Variants in ATG4A observed in about 807,000 individuals in gnomAD.
ATG4A encodes the protein cysteine protease ATG4A.
In ATG4A, 22 loss-of-function variants were observed where a neutral mutation model predicts 38.4. That is an observed-to-expected ratio of 0.57 (90% CI 0.41 to 0.82). The LOEUF is 0.82. ATG4A is among the 40% of genes least tolerant of loss of function. The pLI is 0.00. For synonymous variants in ATG4A, 86 were observed against 100.7 expected (o/e 0.85, Z 0.88); for missense variants, 220 against 290.0 (o/e 0.76, Z 1.75).
upstream of ATG4A, chrX:108,091,710 TGC>T (rs1481563282): frequency 9.6e-7 from 1 of 1,040,130 alleles, no homozygotes; most frequent in East Asian, 3.0e-5. Flanking sequence ...GAGGCGCCTT[TGC>T]TGCCCTCACA....
At chrX:108,120,595 A>G (rs886730097) in intron 1 of ATG4A, among the ~76,000 whole-genome samples, 1 of 112,690 alleles carries the variant, frequency 8.9e-6, no homozygotes, top group African/African-American at 3.2e-5. Flanking sequence ...TTTGCATTAC[A>G]TTTGTCAGTG....
chrX:108,098,109 C>G (rs904900943), intron 1 of ATG4A, among the ~76,000 whole-genome samples: 2 of 111,909 alleles, frequency 1.8e-5, no homozygotes, highest in Non-Finnish European at 3.8e-5. Context: ...TATCCCTCCC[C>G]CAGGCCTTCG....
At chrX:108,102,769 T>C (rs2032051860) in intron 1 of ATG4A, among the ~76,000 whole-genome samples, 1 of 109,158 alleles carries the variant, frequency 9.2e-6, no homozygotes, top group Admixed American at 9.7e-5. Flanking sequence ...GGGTATAAAG[T>C]TTTACTAGCA....
chrX:108,090,550 G>A (rs552453354), upstream of ATG4A, among the ~76,000 whole-genome samples: 40 of 112,253 alleles, frequency 3.6e-4, no homozygotes, highest in South Asian at 0.014. Context: ...CCAGAAAAGA[G>A]AAAACAGTCT....
intron 1 of ATG4A, among the ~76,000 whole-genome samples, chrX:108,116,020 G>A: frequency 8.9e-6 from 1 of 111,945 alleles, no homozygotes; most frequent in Non-Finnish European, 1.9e-5. Flanking sequence ...GCTACATACG[G>A]TGCACATCAG....
intron 9 of ATG4A, among the ~76,000 whole-genome samples, chrX:108,144,481 C>G (rs1399996545): frequency 8.9e-6 from 1 of 111,924 alleles, no homozygotes; most frequent in Non-Finnish European, 1.9e-5. Context: ...GGGCTGTAGC[C>G]AGGTCAGCCT....
chrX:108,091,733 C>T, upstream of ATG4A: 2 of 1,129,832 alleles, frequency 1.8e-6, no homozygotes, highest in Non-Finnish European at 2.4e-6. Context: ...GACTTGGCCC[C>T]TAGCAGTGCA....
chrX:108,117,896 A>G (rs2032551101), intron 1 of ATG4A, among the ~76,000 whole-genome samples: 1 of 112,420 alleles, frequency 8.9e-6, no homozygotes, highest in Non-Finnish European at 1.9e-5. Flanking sequence ...GTAACAGATT[A>G]TATGACCAAT....
intron 3 of ATG4A, among the ~76,000 whole-genome samples, chrX:108,130,432 G>T (rs1184405836): frequency 2.7e-5 from 3 of 112,305 alleles, no homozygotes; most frequent in Admixed American, 9.4e-5. Context: ...TTTGCATAAG[G>T]TGTTCTTAAA....
rs60886281 is a variant in ATG4A, at chrX:108,148,020, A to AATATATATATATATAT, written c.815-2091_815-2076dup. Among the ~76,000 whole-genome samples the AATATATATATATATAT allele has an allele frequency of 2.2e-4, 18 of 80,145 alleles. 1 individual carries two copies. Among genetic ancestry groups the AATATATATATATATAT allele is most frequent in the Non-Finnish European group, 3.1e-4 (13 of 42,192 alleles). The allele number at this position is 80,145 out of a possible 115,157, so 69.6% of individuals were successfully genotyped here. A position where few individuals can be genotyped will look rare whatever the true frequency, so the allele number is the denominator to read the frequency against. On this transcript the variant is annotated intron_variant, in intron 9 of 12. Coordinates refer to ENST00000372232, the MANE Select transcript of ATG4A (RefSeq NM_052936.5). ...CTCTAGAGGGACAGAACTAATGGAA[A>AATATATATATATATAT]ATATATATATATATATATATATATA...
chrX:108,136,733 A>G (rs1255750081), intron 6 of ATG4A, among the ~76,000 whole-genome samples: 2 of 112,674 alleles, frequency 1.8e-5, no homozygotes, highest in African/African-American at 6.5e-5. Flanking sequence ...AAAATTCAGT[A>G]AGTCAGAATG....
chrX:108,130,781 C>T (rs906500511), intron 3 of ATG4A, among the ~76,000 whole-genome samples: 4 of 111,861 alleles, frequency 3.6e-5, no homozygotes, highest in Non-Finnish European at 7.5e-5. Context: ...TCAGAATAGT[C>T]ATGAGCCTTC....
chrX:108,125,194 C>T (rs1049145251), intron 1 of ATG4A, among the ~76,000 whole-genome samples: 7 of 110,299 alleles, frequency 6.3e-5, no homozygotes, highest in African/African-American at 2.3e-4. Context: ...GGGGTTGGCA[C>T]TGAAAGTTCC....
chrX:108,099,900 A>G (rs1334297181), intron 1 of ATG4A, among the ~76,000 whole-genome samples: 1 of 111,911 alleles, frequency 8.9e-6, no homozygotes, highest in African/African-American at 3.2e-5. Context: ...AAAATTTGAT[A>G]GAGTGATTCC....
At chrX:108,146,865 C>T (rs918234437) in intron 9 of ATG4A, among the ~76,000 whole-genome samples, 1 of 111,509 alleles carries the variant, frequency 9.0e-6, no homozygotes, top group Non-Finnish European at 1.9e-5. Context: ...CCTTTTTTAA[C>T]TCCCCGAGCT....
chrX:108,139,945 A>G (rs1168645336), intron 9 of ATG4A, among the ~76,000 whole-genome samples: 2 of 111,185 alleles, frequency 1.8e-5, no homozygotes, highest in African/African-American at 6.6e-5. Context: ...GCACTAATAC[A>G]TTCATAGGGG....
chrX:108,141,071 C>CATATAT (rs139918190), intron 9 of ATG4A, among the ~76,000 whole-genome samples: 740 of 34,974 alleles, frequency 0.021, 14 homozygotes, highest in East Asian at 0.038. Context: ...TATATATATA[C>CATATAT]ATATATATAT....
chrX:108,125,708 A>C (rs1469284110), intron 1 of ATG4A, among the ~76,000 whole-genome samples: 1 of 112,102 alleles, frequency 8.9e-6, no homozygotes, highest in Non-Finnish European at 1.9e-5. Context: ...TGACATGGGC[A>C]GGAGTTAGGT....
At chrX:108,133,535 T>A (rs1406763018) in intron 4 of ATG4A, among the ~76,000 whole-genome samples, 2 of 112,712 alleles carry the variant, frequency 1.8e-5, no homozygotes. Context: ...GCAATTTTTT[T>A]AAGCTTCCTT....
Sources: allele counts gnomAD v4.1 joint callset (sites outside exome capture counted in the v4.1 genomes callset), GRCh38; gene constraint gnomAD v4.1.1; transcripts MANE v1.5; gene names NCBI Gene and HGNC (gene_info 2026-07-23, HGNC 2026-07-21).